IMMP2L: variants seen among roughly 807,000 people sequenced by gnomAD.
IMMP2L encodes the protein inner mitochondrial membrane peptidase subunit 2.
IMMP2L carries 18 observed loss-of-function variants against 19.3 expected under a neutral mutation model. The observed-to-expected ratio is 0.93, with a 90% CI of 0.64 to 1.38. IMMP2L has a LOEUF of 1.38. Among genes scored for constraint, IMMP2L ranks in the 40% most tolerant of loss-of-function variants. The probability of loss-of-function intolerance (pLI) is 0.00; values close to 1 mark genes in which losing one functional copy is unlikely to be tolerated. For synonymous variants in IMMP2L, 76 were observed against 73.0 expected, an observed-to-expected ratio of 1.04 and a Z score of -0.21; for missense variants, 233 against 218.2, an observed-to-expected ratio of 1.07 and a Z score of -0.43.
At chr7:111,004,075 T>C (rs1824031433) in intron 3 of IMMP2L, among the ~76,000 whole-genome samples, 1 of 152,034 alleles carries the variant, frequency 6.6e-6, no homozygotes, top group Non-Finnish European at 1.5e-5. Flanking sequence ...TATAGCTCAG[T>C]GGAGACTAGA....
At chr7:110,668,886 CAA>C (rs1040843674) in intron 5 of IMMP2L, among the ~76,000 whole-genome samples, 3 of 151,388 alleles carry the variant, frequency 2.0e-5, no homozygotes, top group African/African-American at 7.3e-5. Flanking sequence ...TATAGGCAGG[CAA>C]AGAGTATAGT....
At chr7:111,206,016 T>G (rs1810667616) in intron 3 of IMMP2L, among the ~76,000 whole-genome samples, 1 of 152,180 alleles carries the variant, frequency 6.6e-6, no homozygotes, top group Non-Finnish European at 1.5e-5. Context: ...GTGCACACAA[T>G]TAAAACGTGC....
chr7:110,990,104 A>T (rs1300908790), intron 3 of IMMP2L, among the ~76,000 whole-genome samples: 4 of 152,202 alleles, frequency 2.6e-5, no homozygotes, highest in African/African-American at 9.6e-5. Flanking sequence ...TGTATAAATC[A>T]ATGATTCAAA....
intron 3 of IMMP2L, among the ~76,000 whole-genome samples, chr7:111,408,530 A>G (rs945737016): frequency 7.2e-5 from 11 of 151,762 alleles, no homozygotes; most frequent in Non-Finnish European, 1.5e-4. Flanking sequence ...CATATCACAG[A>G]ACTGCAAGCA....
chr7:111,054,380 A>G (rs1051931778), intron 3 of IMMP2L, among the ~76,000 whole-genome samples: 1 of 152,220 alleles, frequency 6.6e-6, no homozygotes, highest in African/African-American at 2.4e-5. Context: ...AGGGACATCA[A>G]CTGGCACATA....
At chr7:111,266,018 T>G (rs1003645702) in intron 3 of IMMP2L, among the ~76,000 whole-genome samples, 13 of 152,054 alleles carry the variant, frequency 8.5e-5, no homozygotes, top group Non-Finnish European at 1.8e-4. Flanking sequence ...TCTTTTAGAG[T>G]TGATTTTTGA....
At chr7:111,061,547 C>A (rs185832467) in intron 3 of IMMP2L, among the ~76,000 whole-genome samples, 2 of 152,228 alleles carry the variant, frequency 1.3e-5, no homozygotes, top group East Asian at 3.9e-4. Flanking sequence ...CTCTCCCTCA[C>A]ATTCCTCATC....
intron 3 of IMMP2L, among the ~76,000 whole-genome samples, chr7:111,292,053 A>G (rs959791277): frequency 6.6e-6 from 1 of 152,104 alleles, no homozygotes; most frequent in Admixed American, 6.6e-5. Flanking sequence ...TCACTCATAT[A>G]ATATCTCTTC....
At chr7:111,509,459 T>G (rs1845243586) in intron 2 of IMMP2L, among the ~76,000 whole-genome samples, 1 of 152,162 alleles carries the variant, frequency 6.6e-6, no homozygotes, top group African/African-American at 2.4e-5. Context: ...CCCTTAGTTA[T>G]AGCTCAATTT....
chr7:110,967,682 A>G (rs963963342), intron 3 of IMMP2L, among the ~76,000 whole-genome samples: 1 of 152,064 alleles, frequency 6.6e-6, no homozygotes, highest in Non-Finnish European at 1.5e-5. Context: ...AGGTGAAAGG[A>G]AAAACGAATA....
intron 3 of IMMP2L, among the ~76,000 whole-genome samples, chr7:111,218,917 T>C (rs1812238827): frequency 6.6e-6 from 1 of 151,968 alleles, no homozygotes; most frequent in Non-Finnish European, 1.5e-5. Context: ...TAAATACTTT[T>C]CTTAAAATCC....
At chr7:110,864,041 A>G (rs1191429528) in intron 5 of IMMP2L, among the ~76,000 whole-genome samples, 1 of 152,140 alleles carries the variant, frequency 6.6e-6, no homozygotes, top group African/African-American at 2.4e-5. Context: ...CGTAACACAT[A>G]TTTAGAAAAA....
chr7:111,403,258 C>G (rs1833624358), intron 3 of IMMP2L, among the ~76,000 whole-genome samples: 2 of 151,836 alleles, frequency 1.3e-5, no homozygotes, highest in South Asian at 4.2e-4. Context: ...AGGTCCTCCC[C>G]CCTCACTCTC....
chr7:111,340,751 C>CA (rs1014072688), intron 3 of IMMP2L, among the ~76,000 whole-genome samples: 31 of 152,016 alleles, frequency 2.0e-4, no homozygotes, highest in African/African-American at 7.0e-4. Flanking sequence ...TACTACATAG[C>CA]AAAAAAACAT....
intron 3 of IMMP2L, among the ~76,000 whole-genome samples, chr7:111,100,215 T>G (rs1437269887): frequency 6.6e-6 from 1 of 151,518 alleles, no homozygotes; most frequent in Non-Finnish European, 1.5e-5. Flanking sequence ...TTCTGAGATT[T>G]TGGTGCACCC....
rs1843260075 is a variant in IMMP2L at position 111,493,267 on chromosome 7, CTTGT to C, written c.136-5930_136-5927del. Among the ~76,000 whole-genome samples the C allele has an allele frequency of 3.3e-5, 5 of 152,194 alleles. No homozygotes were observed. In the South Asian group the frequency reaches 6.2e-4, roughly 19 times the overall value. ...TGGTAATCACAACACAATAAACTAT[CTTGT>C]TTATTTATTAATCTAACACTTATGA... is the stretch of plus-strand genomic sequence containing the variant. On this transcript the variant is annotated intron_variant, in intron 2 of 5. Coordinates refer to ENST00000405709, the MANE Select transcript of IMMP2L (RefSeq NM_032549.4).
intron 3 of IMMP2L, among the ~76,000 whole-genome samples, chr7:111,143,309 A>G (rs1397410433): frequency 6.6e-6 from 1 of 152,120 alleles, no homozygotes; most frequent in Non-Finnish European, 1.5e-5. Flanking sequence ...GAGGAATCCT[A>G]CCCCCAACCC....
At chr7:110,707,134 T>C (rs1301729940) in intron 5 of IMMP2L, among the ~76,000 whole-genome samples, 1 of 93,160 alleles carries the variant, frequency 1.1e-5, no homozygotes, top group African/African-American at 4.5e-5. Context: ...TAGGTATATC[T>C]CCCAATGCTA....
chr7:110,731,160 T>A (rs6975430), intron 5 of IMMP2L, among the ~76,000 whole-genome samples: 130,571 of 152,150 alleles, frequency 0.86, 56,167 homozygotes, highest in African/African-American at 0.91. Flanking sequence ...CTAAAATAAA[T>A]ATTTGCCATG....
Sources: gnomAD v4.1 joint callset for allele counts (sites outside exome capture counted in the v4.1 genomes callset) on GRCh38, gnomAD v4.1.1 for gene constraint, MANE v1.5 for transcripts, NCBI Gene and HGNC (gene_info 2026-07-23, HGNC 2026-07-21) for gene names.